ATP8A2: variants seen among roughly 807,000 people sequenced by gnomAD.
The protein encoded by ATP8A2 is ATPase phospholipid transporting 8A2, also known as phospholipid-transporting ATPase IB.
A neutral mutation model predicts 165.6 loss-of-function variants in ATP8A2; 100 were observed. That is an observed-to-expected ratio of 0.60 (90% confidence interval 0.51 to 0.71). ATP8A2 has a LOEUF of 0.71. ATP8A2 is among the 30% of genes least tolerant of loss of function. The pLI, the probability that ATP8A2 is intolerant of heterozygous loss-of-function variation, is 0.00. For synonymous variants in ATP8A2, 543 were observed against 548.8 expected, an observed-to-expected ratio of 0.99 and a Z score of 0.15; for missense variants, 1,227 against 1,479.5, an observed-to-expected ratio of 0.83 and a Z score of 2.80.
intron 30 of ATP8A2, among the ~76,000 whole-genome samples, chr13:25,846,178 A>G (rs1951859218): frequency 6.6e-6 from 1 of 152,206 alleles, no homozygotes; most frequent in Non-Finnish European, 1.5e-5. Context: ...TCAGTCCCAA[A>G]ACAAAACAAA....
At chr13:25,987,288 C>T (rs1956295461) in intron 35 of ATP8A2, among the ~76,000 whole-genome samples, 1 of 152,236 alleles carries the variant, frequency 6.6e-6, no homozygotes, top group East Asian at 1.9e-4. Flanking sequence ...GACAGCCTCA[C>T]TTTGTGGAGC....
chr13:25,601,471 TTTG>T (rs1258401045), intron 24 of ATP8A2, among the ~76,000 whole-genome samples: 1 of 152,184 alleles, frequency 6.6e-6, no homozygotes, highest in African/African-American at 2.4e-5. Flanking sequence ...TTTGTTTTGT[TTTG>T]TTGTTTGTGT....
intron 2 of ATP8A2, among the ~76,000 whole-genome samples, chr13:25,527,096 G>A (rs143871454): frequency 2.0e-5 from 3 of 152,174 alleles, no homozygotes; most frequent in African/African-American, 7.2e-5. Context: ...GATATTTGTG[G>A]TGATAACCTT....
intron 25 of ATP8A2, among the ~76,000 whole-genome samples, chr13:25,735,935 C>T (rs919467485): frequency 3.9e-5 from 6 of 152,182 alleles, no homozygotes; most frequent in Non-Finnish European, 8.8e-5. Context: ...GTCTTGCAAG[C>T]TCTGTTTATG....
At chr13:25,377,947 C>T (rs1042104354) in intron 1 of ATP8A2, among the ~76,000 whole-genome samples, 2 of 152,008 alleles carry the variant, frequency 1.3e-5, no homozygotes, top group African/African-American at 4.8e-5. Flanking sequence ...AGTGAGACCC[C>T]ATCTCTACAA....
chr13:25,873,053 A>G (rs927610073), intron 33 of ATP8A2, among the ~76,000 whole-genome samples: 4 of 152,126 alleles, frequency 2.6e-5, no homozygotes, highest in Non-Finnish European at 5.9e-5. Context: ...GCAGATCTGG[A>G]AATGCAGATT....
At chr13:25,973,995 G>A (rs922802873) in intron 35 of ATP8A2, among the ~76,000 whole-genome samples, 1 of 152,156 alleles carries the variant, frequency 6.6e-6, no homozygotes, top group Non-Finnish European at 1.5e-5. Context: ...ACCTCTCCAG[G>A]CCAGGTGGCA....
intron 27 of ATP8A2, among the ~76,000 whole-genome samples, chr13:25,808,843 A>G (rs962173964): frequency 1.3e-5 from 2 of 152,122 alleles, no homozygotes; most frequent in African/African-American, 4.8e-5. Context: ...ACTTTTACAA[A>G]CCACTGTAAC....
chr13:26,016,001 A>G (rs1404290278), intron 36 of ATP8A2, among the ~76,000 whole-genome samples: 1 of 152,142 alleles, frequency 6.6e-6, no homozygotes, highest in Non-Finnish European at 1.5e-5. Flanking sequence ...TTGAGGGGTG[A>G]TGGTGTCTGG....
At chr13:25,904,649 G>T (rs910962143) in intron 33 of ATP8A2, among the ~76,000 whole-genome samples, 6 of 152,138 alleles carry the variant, frequency 3.9e-5, no homozygotes, top group Admixed American at 6.5e-5. Context: ...ATAAAGTTTG[G>T]ATTCAAATGT....
intron 24 of ATP8A2, among the ~76,000 whole-genome samples, chr13:25,666,360 C>A (rs1437566639): frequency 1.3e-5 from 2 of 151,004 alleles, no homozygotes; most frequent in Non-Finnish European, 2.9e-5. Context: ...CAGGCACCTG[C>A]CACAATGCCC....
chr13:25,538,099 G>C (rs777532828), intron 7 of ATP8A2, 38 bp downstream of exon 7: 22 of 1,532,680 alleles, frequency 1.4e-5, no homozygotes, highest in Non-Finnish European at 2.0e-5. Context: ...TGCAATAAAT[G>C]TTAAGAACAA....
chr13:25,525,279 T>C (rs1384099950), intron 2 of ATP8A2, among the ~76,000 whole-genome samples: 2 of 152,148 alleles, frequency 1.3e-5, no homozygotes, highest in Non-Finnish European at 2.9e-5. Context: ...TCTGTATGTG[T>C]TTTCGTTTTT....
chr13:25,431,338 G>A (rs898529961), intron 1 of ATP8A2, among the ~76,000 whole-genome samples: 11 of 151,802 alleles, frequency 7.2e-5, no homozygotes, highest in Non-Finnish European at 1.0e-4. Flanking sequence ...TAGTAGAGAC[G>A]GGGTTTCTCC....
chr13:25,546,638 T>C (rs1223576835), intron 10 of ATP8A2, among the ~76,000 whole-genome samples: 1 of 152,132 alleles, frequency 6.6e-6, no homozygotes, highest in Non-Finnish European at 1.5e-5. Flanking sequence ...GTTGATTTAA[T>C]GGGAAAAAGA....
At chr13:25,791,542 T>TACACACACACACACACACACACACAC (rs55661899) in intron 27 of ATP8A2, among the ~76,000 whole-genome samples, 1 of 142,982 alleles carries the variant, frequency 7.0e-6, no homozygotes, top group African/African-American at 2.6e-5. Context: ...CACACACACA[T>TACACACACACACACACACACACACAC]ACACACACAC....
intron 22 of ATP8A2, among the ~76,000 whole-genome samples, chr13:25,580,765 C>T (rs1285210889): frequency 6.6e-6 from 1 of 152,170 alleles, no homozygotes; most frequent in Non-Finnish European, 1.5e-5. Flanking sequence ...AACTCCTGGG[C>T]TCAAGCAGTC....
At chr13:25,546,243 C>T (rs1158206618) in intron 10 of ATP8A2, among the ~76,000 whole-genome samples, 1 of 152,172 alleles carries the variant, frequency 6.6e-6, no homozygotes, top group Admixed American at 6.5e-5. Context: ...GTGTGAGAGG[C>T]ACTTTTCCTT....
intron 24 of ATP8A2, among the ~76,000 whole-genome samples, chr13:25,680,601 A>G (rs954015028): frequency 2.0e-5 from 3 of 152,200 alleles, no homozygotes; most frequent in Admixed American, 2.0e-4. Flanking sequence ...TCATGGATGC[A>G]ATGCTGAAAA....
Sources: allele counts gnomAD v4.1 joint callset (sites outside exome capture counted in the v4.1 genomes callset), GRCh38; gene constraint gnomAD v4.1.1; transcripts MANE v1.5; gene names NCBI Gene and HGNC (gene_info 2026-07-23, HGNC 2026-07-21).